GABBR2: variants seen among roughly 807,000 people sequenced by gnomAD.
GABBR2 encodes the protein gamma-aminobutyric acid type B receptor subunit 2, also known as G-protein coupled receptor 51.
GABBR2 carries 23 observed loss-of-function variants against 105.6 expected under a neutral mutation model. The ratio of observed to expected loss-of-function variants is 0.22; its 90% CI spans 0.16 to 0.31. The LOEUF (loss-of-function observed/expected upper bound fraction) is 0.31. GABBR2 is among the 10% of genes least tolerant of loss of function. The pLI, the probability that GABBR2 is intolerant of heterozygous loss-of-function variation, is 1.00. For synonymous variants in GABBR2, 478 were observed against 499.7 expected (o/e 0.96, Z 0.58); for missense variants, 734 against 1,245.5 (o/e 0.59, Z 6.18).
intron 1 of GABBR2, among the ~76,000 whole-genome samples, chr9:98,698,512 T>C (rs1830786119): frequency 6.6e-6 from 1 of 152,042 alleles, no homozygotes; most frequent in African/African-American, 2.4e-5. Flanking sequence ...TCTTTTTTTT[T>C]TTTTTGAGAT....
chr9:98,464,905 G>A (rs140321201), intron 6 of GABBR2, among the ~76,000 whole-genome samples: 2,956 of 152,060 alleles, frequency 0.019, 92 homozygotes, highest in African/African-American at 0.068. Context: ...TTGTTAAACA[G>A]ATGCTTGAAG....
chr9:98,688,777 T>G (rs966390110), intron 1 of GABBR2, among the ~76,000 whole-genome samples: 1 of 152,142 alleles, frequency 6.6e-6, no homozygotes, highest in East Asian at 1.9e-4. Flanking sequence ...CTAACCTCCA[T>G]ATCACACTTG....
chr9:98,463,692 C>T (rs1826474140), intron 6 of GABBR2, among the ~76,000 whole-genome samples: 1 of 149,590 alleles, frequency 6.7e-6, no homozygotes, highest in African/African-American at 2.4e-5. Flanking sequence ...CTGGGCAGTA[C>T]TGCCGTGATC....
intron 11 of GABBR2, among the ~76,000 whole-genome samples, chr9:98,373,172 G>A (rs1831815448): frequency 6.6e-6 from 1 of 152,132 alleles, no homozygotes; most frequent in South Asian, 2.1e-4. Context: ...TAATACATTT[G>A]TCATCTGTCA....
chr9:98,553,524 T>C (rs1828529525), intron 2 of GABBR2, among the ~76,000 whole-genome samples: 1 of 152,024 alleles, frequency 6.6e-6, no homozygotes, highest in Non-Finnish European at 1.5e-5. Flanking sequence ...TCTGAGACAT[T>C]GAGGCTGCAG....
At chr9:98,572,943 T>C (rs1352117171) in intron 2 of GABBR2, among the ~76,000 whole-genome samples, 1 of 152,136 alleles carries the variant, frequency 6.6e-6, no homozygotes, top group Non-Finnish European at 1.5e-5. Flanking sequence ...GGCAGTATTG[T>C]CTGGGTGTGA....
At chr9:98,505,865 C>T (rs1827499689) in intron 3 of GABBR2, among the ~76,000 whole-genome samples, 1 of 152,158 alleles carries the variant, frequency 6.6e-6, no homozygotes. Context: ...GCCTCCAGAA[C>T]TATGAGACAA....
At chr9:98,651,047 T>C (rs1830095544) in intron 1 of GABBR2, among the ~76,000 whole-genome samples, 2 of 152,148 alleles carry the variant, frequency 1.3e-5, no homozygotes, top group Admixed American at 6.6e-5. Context: ...CACTGAACTG[T>C]ACACTTAAAA....
Position 98,301,653 on chromosome 9 carries a change from G to A in GABBR2, c.2412+1588C>T, listed in dbSNP as rs144104122. ...GGAGGCCAGATTGTGATTCATTTCC[G>A]GGAAAAATAACACAACATTTAAGAG... On this transcript the variant is annotated intron_variant, in intron 16 of 18. Transcript: ENST00000259455. Among the ~76,000 whole-genome samples the A allele has an allele frequency of 1.1e-3, 174 of 152,282 alleles. 1 individual carries two copies. The highest frequency in any genetic ancestry group is 3.6e-3 in the African/African-American group (150 of 41,556).
At chr9:98,389,455 C>T (rs988215935) in intron 9 of GABBR2, among the ~76,000 whole-genome samples, 2 of 152,208 alleles carry the variant, frequency 1.3e-5, no homozygotes, top group Non-Finnish European at 2.9e-5. Flanking sequence ...ACAGGATGGA[C>T]ACCTTGCCTG....
chr9:98,440,137 C>T (rs1379032872), intron 7 of GABBR2, among the ~76,000 whole-genome samples: 1 of 152,216 alleles, frequency 6.6e-6, no homozygotes, highest in Non-Finnish European at 1.5e-5. Context: ...CCAGCCTCTG[C>T]TCCATCACAG....
intron 2 of GABBR2, among the ~76,000 whole-genome samples, chr9:98,545,759 G>A (rs1431841278): frequency 6.6e-6 from 1 of 152,174 alleles, no homozygotes; most frequent in African/African-American, 2.4e-5. Flanking sequence ...AGCAGGACTT[G>A]AACCCGGGTC....
intron 1 of GABBR2, among the ~76,000 whole-genome samples, chr9:98,594,930 A>T (rs1829210729): frequency 6.6e-6 from 1 of 152,210 alleles, no homozygotes; most frequent in Non-Finnish European, 1.5e-5. Context: ...TCAGGCTGAG[A>T]TCTGCCAGGC....
intron 1 of GABBR2, among the ~76,000 whole-genome samples, chr9:98,604,416 C>T (rs1215652309): frequency 6.6e-6 from 1 of 152,198 alleles, no homozygotes; most frequent in African/African-American, 2.4e-5. Flanking sequence ...ATCGCCCTCA[C>T]CCTTCCTAAA....
intron 1 of GABBR2, among the ~76,000 whole-genome samples, chr9:98,597,439 C>T (rs900113903): frequency 4.6e-5 from 7 of 152,216 alleles, no homozygotes; most frequent in African/African-American, 1.7e-4. Flanking sequence ...ATCCTGCACA[C>T]TTCACAAGCA....
chr9:98,579,851 A>G (rs768282547), intron 1 of GABBR2, among the ~76,000 whole-genome samples: 1 of 152,222 alleles, frequency 6.6e-6, no homozygotes, highest in Non-Finnish European at 1.5e-5. Context: ...GAAAATCAGC[A>G]TATCTTATCT....
intron 3 of GABBR2, among the ~76,000 whole-genome samples, chr9:98,534,011 C>T (rs1192217135): frequency 2.6e-5 from 4 of 152,198 alleles, no homozygotes; most frequent in African/African-American, 7.2e-5. Context: ...CCCGTCCTCC[C>T]CTGCAGGAGT....
At chr9:98,493,931 A>T (rs543372170) in intron 4 of GABBR2, among the ~76,000 whole-genome samples, 1 of 152,356 alleles carries the variant, frequency 6.6e-6, no homozygotes, top group East Asian at 1.9e-4. Flanking sequence ...AGATGATAAA[A>T]CACCAGGTAA....
At chr9:98,536,821 C>T (rs943318821) in intron 3 of GABBR2, among the ~76,000 whole-genome samples, 3 of 152,170 alleles carry the variant, frequency 2.0e-5, no homozygotes, top group African/African-American at 7.2e-5. Flanking sequence ...CGTGGACCAC[C>T]CAACTCTTCA....
Sources: gnomAD v4.1 joint callset for allele counts (sites outside exome capture counted in the v4.1 genomes callset) on GRCh38, gnomAD v4.1.1 for gene constraint, MANE v1.5 for transcripts, NCBI Gene and HGNC (gene_info 2026-07-23, HGNC 2026-07-21) for gene names.